The following LARP4B variants were observed in gnomAD, a reference collection of about 807,000 sequenced individuals.
LARP4B encodes the protein La ribonucleoprotein 4B.
A neutral mutation model predicts 89.8 loss-of-function variants in LARP4B; 12 were observed. That is an observed-to-expected ratio of 0.13 (90% CI 0.09 to 0.22). The LOEUF is 0.22. LARP4B is among the 10% of genes least tolerant of loss of function. The pLI, the probability that LARP4B is intolerant of heterozygous loss-of-function variation, is 1.00. For missense variants in LARP4B, 757 were observed against 947.7 expected (o/e 0.80, Z 2.64); for synonymous variants, 367 against 363.3 (o/e 1.01, Z -0.12).
rs1275544682 is a variant in LARP4B at position 825,830 on chromosome 10, G to A, written c.1166C>T (p.Thr389Met). 1.2e-6 allele frequency: 2 copies of A among 1,613,278 alleles called. No homozygotes were observed. Among genetic ancestry groups the A allele is most frequent in the Non-Finnish European group, 1.7e-6 (2 of 1,179,474 alleles). Reference sequence around the variant, plus strand: ...CGCCGCAGGCTTGAACGCTGGAGACGTAAACCCATTTATAAATCCAGTATT... The same window carrying A: ...CGCCGCAGGCTTGAACGCTGGAGACATAAACCCATTTATAAATCCAGTATT... Reference protein sequence around the residue: ...FPNTGFINGFTSPAFKPAASP... With the variant: ...FPNTGFINGFMSPAFKPAASP... The change falls in exon 12 of 18, where the codon ACG becomes ATG. Residue 389 changes from threonine (T) to methionine (M), a missense_variant. Thr to Met is a moderately conservative substitution (Grantham distance 81). Transcript: ENST00000316157.
chr10:852,169 CG>C, intron 5 of LARP4B, among the ~76,000 whole-genome samples: 1 of 152,250 alleles, frequency 6.6e-6, no homozygotes, highest in African/African-American at 2.4e-5. Flanking sequence ...TGAAATAATA[CG>C]TAACCTCTTC....
chr10:820,608 T>C (rs1832303296), intron 14 of LARP4B, 192 bp downstream of exon 14: 1 of 585,414 alleles, frequency 1.7e-6, no homozygotes, highest in Non-Finnish European at 3.0e-6. Context: ...CACATCGCTA[T>C]TTCCAAAACC....
At chr10:982,380 T>G in the LARP4B span, among the ~76,000 whole-genome samples, 1 of 152,190 alleles carries the variant, frequency 6.6e-6, no homozygotes, top group East Asian at 1.9e-4. Flanking sequence ...CGTGAGACAC[T>G]GCGCCCAGCC....
At chr10:855,155 C>A (rs1490993053) in intron 5 of LARP4B, among the ~76,000 whole-genome samples, 1 of 152,180 alleles carries the variant, frequency 6.6e-6, no homozygotes, top group Non-Finnish European at 1.5e-5. Flanking sequence ...GTTTTTCTAT[C>A]CAGATCAAAG....
At chr10:956,492 C>T in the LARP4B span, among the ~76,000 whole-genome samples, 2 of 151,996 alleles carry the variant, frequency 1.3e-5, no homozygotes, top group African/African-American at 2.4e-5. This position sits in a 1 kb window ranked among gnomAD's most constrained non-coding sequence, Gnocchi z 4.3. Flanking sequence ...ACTACAGGCG[C>T]CCGCCACCAC....
intron 8 of LARP4B, 61 bp from the exon 9 acceptor site, chr10:831,038 A>C (rs1198242833): frequency 1.4e-6 from 1 of 704,060 alleles, no homozygotes; most frequent in Admixed American, 2.8e-5. Context: ...GTCCTCACCA[A>C]AAATTTTTTT....
rs1242555083 is a variant in LARP4B, at chr10:810,830, A to T, written c.*2096T>A. 6.6e-6 allele frequency: 1 copy of T among 151,882 alleles called. No homozygotes were observed. The highest frequency in any genetic ancestry group is 1.5e-5 in the Non-Finnish European group (1 of 67,992). 9.4% of individuals were successfully genotyped at this position (151,882 alleles called of 1,614,324 possible). On this transcript the variant is annotated 3_prime_UTR_variant, in exon 18 of 18. Transcript: ENST00000316157. ...AGTGAACTGACAACTACAAAAAAAA[A>T]TCCCCATGTTCTTTAAAATGCATTT... is the stretch of plus-strand genomic sequence containing the variant.
chr10:923,624 G>A (rs996203858), intron 1 of LARP4B, among the ~76,000 whole-genome samples: 3 of 151,714 alleles, frequency 2.0e-5, no homozygotes, highest in African/African-American at 7.3e-5. Flanking sequence ...AATCAACAAA[G>A]ATAAAAAGAA....
chr10:932,839 C>T (rs1420279413), upstream of LARP4B, among the ~76,000 whole-genome samples: 4 of 146,890 alleles, frequency 2.7e-5, no homozygotes, highest in East Asian at 8.3e-4. Context: ...TAACCAAGGC[C>T]TCGGCTCAGC....
At chr10:881,136 T>G (rs1835651160) in intron 3 of LARP4B, among the ~76,000 whole-genome samples, 1 of 152,156 alleles carries the variant, frequency 6.6e-6, no homozygotes, top group South Asian at 2.1e-4. Flanking sequence ...TAAAGAACCT[T>G]TAACCAAACG....
At chr10:915,182 G>A (rs1335795511) in intron 1 of LARP4B, among the ~76,000 whole-genome samples, 1 of 152,134 alleles carries the variant, frequency 6.6e-6, no homozygotes, top group Non-Finnish European at 1.5e-5. Context: ...ATACTCAGGA[G>A]GCTGAGGTGG....
chr10:879,385 T>C (rs180848570), intron 3 of LARP4B, among the ~76,000 whole-genome samples: 2 of 152,246 alleles, frequency 1.3e-5, no homozygotes, highest in Non-Finnish European at 1.5e-5. Flanking sequence ...ATGGATTGTT[T>C]TGTCACTAAA....
the LARP4B span, chr10:985,612 C>T: frequency 6.6e-6 from 1 of 152,232 alleles, no homozygotes; most frequent in African/African-American, 2.4e-5. Flanking sequence ...CTGCCTTCCA[C>T]CTAAGGAGGT....
At chr10:961,586 G>A in the LARP4B span, among the ~76,000 whole-genome samples, 2 of 137,862 alleles carry the variant, frequency 1.5e-5, no homozygotes, top group Non-Finnish European at 3.1e-5. Flanking sequence ...GGGAGGCCTC[G>A]GGAAGGTCCA....
At chr10:925,507 G>T (rs1302591961) in intron 1 of LARP4B, among the ~76,000 whole-genome samples, 1 of 152,006 alleles carries the variant, frequency 6.6e-6, no homozygotes, top group African/African-American at 2.4e-5. Flanking sequence ...AAATTCTATG[G>T]CTATCTAAAA....
chr10:904,588 AAAAT>A (rs1019563782), intron 1 of LARP4B, among the ~76,000 whole-genome samples: 26 of 151,902 alleles, frequency 1.7e-4, no homozygotes, highest in African/African-American at 4.1e-4. Context: ...AAATAAAATA[AAAAT>A]AAATAAATAA....
chr10:988,289 C>T, the LARP4B span: 1 of 587,018 alleles, frequency 1.7e-6, no homozygotes, highest in South Asian at 2.0e-5. Flanking sequence ...CCCTCACACG[C>T]CCTCCGTGGC....
the LARP4B span, among the ~76,000 whole-genome samples, chr10:937,245 G>T: frequency 6.6e-6 from 1 of 152,080 alleles, no homozygotes; most frequent in Non-Finnish European, 1.5e-5. Flanking sequence ...GTTTCATCAT[G>T]TTGCTCAGGC....
upstream of LARP4B, among the ~76,000 whole-genome samples, chr10:932,285 G>A (rs1754322718): frequency 6.9e-6 from 1 of 145,222 alleles, no homozygotes; most frequent in South Asian, 2.2e-4. Flanking sequence ...TGGGATCAAG[G>A]TCCCGGCCCT....
Sources: allele counts gnomAD v4.1 joint callset (sites outside exome capture counted in the v4.1 genomes callset), GRCh38; gene constraint gnomAD v4.1.1; non-coding constraint Gnocchi (gnomAD v3.1); transcripts MANE v1.5; gene names NCBI Gene and HGNC (gene_info 2026-07-23, HGNC 2026-07-21).